The following EMCN variants were observed in gnomAD, a reference collection of about 807,000 sequenced individuals.
EMCN encodes MUC-14.
EMCN carries 37 observed loss-of-function variants against 38.4 expected under a neutral mutation model. That is an observed-to-expected ratio of 0.96 (90% CI 0.74 to 1.27). The LOEUF is 1.27. Ranked by LOEUF, EMCN falls within the 50% of genes most tolerant of loss-of-function variation. The probability of loss-of-function intolerance (pLI) is 0.00; values close to 1 mark genes in which losing one functional copy is unlikely to be tolerated. For missense variants in EMCN, 318 were observed against 302.8 expected (o/e 1.05, Z -0.37); for synonymous variants, 95 against 100.8 (o/e 0.94, Z 0.35).
At chr4:100,431,190 C>A (rs1501106) in intron 5 of EMCN, among the ~76,000 whole-genome samples, 59,490 of 151,704 alleles carry the variant, frequency 0.39, 12,574 homozygotes, top group East Asian at 0.77. Context: ...ATGTAATGAC[C>A]ACAATGCAAC....
intron 1 of EMCN, among the ~76,000 whole-genome samples, chr4:100,498,379 ACT>A: frequency 6.6e-6 from 1 of 152,310 alleles, no homozygotes; most frequent in East Asian, 1.9e-4. Context: ...GAACAAAGTA[ACT>A]CTCTTGGAGA....
rs987216943 is a variant in EMCN at position 100,517,976 on chromosome 4, C to A, written c.-62G>T. 2.5e-5 allele frequency: 38 copies of A among 1,532,192 alleles called. No homozygotes were observed. The highest frequency in any genetic ancestry group is 3.4e-5 in the Admixed American group (2 of 59,694). 94.9% of individuals were successfully genotyped at this position (1,532,192 alleles called of 1,614,324 possible). ...GAAGCAGGCAGGGACAATTCCCTCC[C>A]AGCCTGGCAGGGCCTTATTAGCAAA... On this transcript the variant is annotated 5_prime_UTR_variant, in exon 1 of 12. Transcript: ENST00000296420.
In EMCN at chr4:100,421,395, C is replaced by T. The variant is rs1726883692; in HGVS notation, c.569-18G>A. On this transcript the variant is annotated intron_variant, in intron 7 of 11. Transcript: ENST00000296420. ...AATAATACCTAAAAAGAATTGGAGACATTGTCAATTAGAGTGGCTACTGAA... is the reference window on the plus strand; with the variant it reads ...AATAATACCTAAAAAGAATTGGAGATATTGTCAATTAGAGTGGCTACTGAA... 1 of 1,596,516 alleles carries T rather than the reference C, an allele frequency of 6.3e-7. No individual in the cohort carries two copies. Among genetic ancestry groups the T allele is most frequent in the African/African-American group, 1.3e-5 (1 of 74,524 alleles).
At chr4:100,502,600 A>G (rs895315571) in intron 1 of EMCN, among the ~76,000 whole-genome samples, 3 of 152,138 alleles carry the variant, frequency 2.0e-5, no homozygotes, top group African/African-American at 7.2e-5. Context: ...GTTTTACAGC[A>G]TTAGCTAGGA....
intron 11 of EMCN, among the ~76,000 whole-genome samples, chr4:100,407,425 ATTCCC>A: frequency 6.6e-6 from 1 of 152,292 alleles, no homozygotes; most frequent in Non-Finnish European, 1.5e-5. Flanking sequence ...GTGGTAATGA[ATTCCC>A]TTAGTATTTG....
At chr4:100,413,981 T>A (rs1726639407) in intron 10 of EMCN, among the ~76,000 whole-genome samples, 1 of 152,176 alleles carries the variant, frequency 6.6e-6, no homozygotes, top group East Asian at 1.9e-4. Flanking sequence ...TCCCCAGGCC[T>A]TAGAGTCTGC....
chr4:100,462,197 GACA>G (rs1176965929), intron 4 of EMCN, among the ~76,000 whole-genome samples: 1 of 152,090 alleles, frequency 6.6e-6, no homozygotes, highest in Admixed American at 6.6e-5. Context: ...AAAAGCAATG[GACA>G]ACAGTAAATA....
At chr4:100,451,621 G>T (rs1025184897) in intron 4 of EMCN, among the ~76,000 whole-genome samples, 1 of 151,938 alleles carries the variant, frequency 6.6e-6, no homozygotes, top group Admixed American at 6.6e-5. Context: ...GATACTTTGT[G>T]TAAAATAGTT....
At chr4:100,464,396 G>C (rs1213870103) in intron 4 of EMCN, among the ~76,000 whole-genome samples, 1 of 151,804 alleles carries the variant, frequency 6.6e-6, no homozygotes, top group Non-Finnish European at 1.5e-5. Flanking sequence ...ATCCATTGTT[G>C]AATTGTACTA....
At chr4:100,398,792 A>G (rs72917595) in intron 11 of EMCN, among the ~76,000 whole-genome samples, 7,019 of 152,156 alleles carry the variant, frequency 0.046, 536 homozygotes, top group African/African-American at 0.16. Context: ...TCCATACTGC[A>G]GCTCCCTAGC....
intron 1 of EMCN, among the ~76,000 whole-genome samples, chr4:100,484,041 T>C (rs917734417): frequency 6.6e-6 from 1 of 152,162 alleles, no homozygotes; most frequent in Non-Finnish European, 1.5e-5. Flanking sequence ...CCTGTCCCCA[T>C]ATATCCAGAC....
chr4:100,468,366 T>A (rs1728380997), intron 3 of EMCN, among the ~76,000 whole-genome samples: 1 of 152,214 alleles, frequency 6.6e-6, no homozygotes, highest in African/African-American at 2.4e-5. Context: ...ATCAGGACAT[T>A]AACTATATTA....
intron 1 of EMCN, chr4:100,486,955 T>A (rs756749357): frequency 3.3e-5 from 33 of 985,092 alleles, no homozygotes; most frequent in Non-Finnish European, 3.7e-5. Context: ...TAATGAGATA[T>A]TTTTAGATTG....
intron 5 of EMCN, among the ~76,000 whole-genome samples, chr4:100,440,562 A>T (rs1727483690): frequency 6.6e-6 from 1 of 152,026 alleles, no homozygotes; most frequent in Non-Finnish European, 1.5e-5. Context: ...TCTGCAAAAG[A>T]CATTATTTCA....
intron 4 of EMCN, among the ~76,000 whole-genome samples, chr4:100,455,569 G>T (rs933173230): frequency 1.5e-4 from 21 of 137,954 alleles, no homozygotes; most frequent in Non-Finnish European, 2.9e-4. Context: ...GGCATGCATT[G>T]TTCCTGATGA....
chr4:100,506,798 T>G (rs961529643), intron 1 of EMCN, among the ~76,000 whole-genome samples: 3 of 152,172 alleles, frequency 2.0e-5, no homozygotes, highest in Non-Finnish European at 4.4e-5. Context: ...TTCTTGTAAG[T>G]TATCCTAATT....
chr4:100,451,580 A>C (rs895425487), intron 4 of EMCN, among the ~76,000 whole-genome samples: 1 of 151,924 alleles, frequency 6.6e-6, no homozygotes, highest in African/African-American at 2.4e-5. Context: ...ACCTAATTAG[A>C]AGCTAGTTGT....
intron 5 of EMCN, among the ~76,000 whole-genome samples, chr4:100,429,276 T>C (rs1444193383): frequency 1.3e-5 from 2 of 152,162 alleles, no homozygotes; most frequent in Non-Finnish European, 2.9e-5. Flanking sequence ...ATGAGTGGTA[T>C]AGACAATAAG....
intron 4 of EMCN, among the ~76,000 whole-genome samples, chr4:100,459,398 T>C (rs1301271171): frequency 6.6e-6 from 1 of 152,174 alleles, no homozygotes; most frequent in Non-Finnish European, 1.5e-5. Flanking sequence ...TGATCTCACA[T>C]ACTTATTAGT....
Sources: gnomAD v4.1 joint callset for allele counts (sites outside exome capture counted in the v4.1 genomes callset) on GRCh38, gnomAD v4.1.1 for gene constraint, MANE v1.5 for transcripts, NCBI Gene and HGNC (gene_info 2026-07-23, HGNC 2026-07-21) for gene names.